The following NFIA variants were observed in gnomAD, a reference collection of about 807,000 sequenced individuals.
NFIA encodes the protein nuclear factor 1 A-type.
In NFIA, 8 loss-of-function variants were observed where a neutral mutation model predicts 62.8. The ratio of observed to expected loss-of-function variants is 0.13; its 90% confidence interval spans 0.07 to 0.23. The LOEUF (loss-of-function observed/expected upper bound fraction) is 0.23, where lower values mean the gene tolerates loss of function less well. Ranked by LOEUF, NFIA falls within the 10% of genes least tolerant of loss-of-function variation. The pLI is 1.00. For synonymous variants in NFIA, 235 were observed against 238.1 expected, an observed-to-expected ratio of 0.99 and a Z score of 0.12; for missense variants, 410 against 642.1, an observed-to-expected ratio of 0.64 and a Z score of 3.91.
chr1:61,185,622 C>T lies in NFIA; in HGVS notation c.560-91898C>T, dbSNP rs542527102. On this transcript the variant is annotated intron_variant, in intron 2 of 10. Coordinates refer to ENST00000403491, the MANE Select transcript of NFIA (RefSeq NM_001134673.4). ...TGATCTGTCTGGCTTCTGTATCTAC[C>T]TTTCTAACCCCACTTTTTTTTTTTT... Among the ~76,000 whole-genome samples, 5 of 149,708 alleles carry T rather than the reference C, an allele frequency of 3.3e-5. No individual in the cohort carries two copies. In the South Asian group the frequency reaches 8.5e-4, roughly 25 times the overall value.
chr1:61,323,396 T>C (rs1225352522), intron 3 of NFIA, among the ~76,000 whole-genome samples: 1 of 152,254 alleles, frequency 6.6e-6, no homozygotes, highest in Non-Finnish European at 1.5e-5. Flanking sequence ...TTTTAATGTT[T>C]ACCATAAGCA....
chr1:61,435,608 AC>A (rs917345597), intron 10 of NFIA, among the ~76,000 whole-genome samples: 1 of 152,048 alleles, frequency 6.6e-6, no homozygotes, highest in Non-Finnish European at 1.5e-5. Flanking sequence ...CCTCCTGTGC[AC>A]CCTGCTAGCA....
intron 3 of NFIA, among the ~76,000 whole-genome samples, chr1:61,287,058 T>C (rs555966094): frequency 7.9e-5 from 12 of 152,152 alleles, no homozygotes; most frequent in East Asian, 1.9e-4. Flanking sequence ...GGAAAAGATA[T>C]GGCACATCCT....
At chr1:61,307,894 A>G (rs1044797290) in intron 3 of NFIA, among the ~76,000 whole-genome samples, 4 of 152,222 alleles carry the variant, frequency 2.6e-5, no homozygotes, top group Admixed American at 6.5e-5. Context: ...TTGTCTTCCT[A>G]TAAATGTCAG....
chr1:61,376,125 C>T (rs1664138940), intron 6 of NFIA, among the ~76,000 whole-genome samples: 1 of 152,128 alleles, frequency 6.6e-6, no homozygotes, highest in Non-Finnish European at 1.5e-5. Context: ...AATGCCTCAA[C>T]TTAGTTGCCT....
intron 2 of NFIA, among the ~76,000 whole-genome samples, chr1:61,177,020 A>G (rs1441993092): frequency 3.9e-5 from 6 of 152,064 alleles, no homozygotes; most frequent in South Asian, 4.2e-4. Flanking sequence ...GCAGGAGAAT[A>G]GCGTGAACCT....
At chr1:61,177,811 T>C (rs1439291953) in intron 2 of NFIA, among the ~76,000 whole-genome samples, 1 of 152,140 alleles carries the variant, frequency 6.6e-6, no homozygotes, top group Non-Finnish European at 1.5e-5. Context: ...CCAACTCTAT[T>C]ATTGGTTCTG....
At chr1:61,424,803 G>C (rs1247162683) in intron 9 of NFIA, among the ~76,000 whole-genome samples, 3 of 152,150 alleles carry the variant, frequency 2.0e-5, no homozygotes, top group Non-Finnish European at 4.4e-5. Context: ...GCCATGGGGT[G>C]AATGGTACAC....
chr1:61,266,145 G>C (rs1330257425), intron 2 of NFIA, among the ~76,000 whole-genome samples: 1 of 151,986 alleles, frequency 6.6e-6, no homozygotes, highest in Admixed American at 6.6e-5. Context: ...GCCTGGAGAG[G>C]TAAGAATTTA....
intron 6 of NFIA, among the ~76,000 whole-genome samples, chr1:61,364,039 G>A (rs942441957): frequency 6.0e-5 from 9 of 150,684 alleles, no homozygotes; most frequent in Non-Finnish European, 1.2e-4. Context: ...CTCCACCTCC[G>A]GGTTCAGGTG....
At chr1:61,305,223 T>G (rs1659701279) in intron 3 of NFIA, among the ~76,000 whole-genome samples, 1 of 151,910 alleles carries the variant, frequency 6.6e-6, no homozygotes, top group South Asian at 2.1e-4. Context: ...TGATTGATAT[T>G]AAGGTAGCCA....
At chr1:61,364,446 A>G (rs1380839810) in intron 6 of NFIA, among the ~76,000 whole-genome samples, 1 of 152,230 alleles carries the variant, frequency 6.6e-6, no homozygotes, top group African/African-American at 2.4e-5. Context: ...ACTTGAAAGC[A>G]GAATTTGCTA....
At position 61,304,476 on chromosome 1, in the gene NFIA, T is replaced by C. The variant is rs78136928; in HGVS notation, c.625+26891T>C. Among the ~76,000 whole-genome samples, 56 of 152,294 alleles carry C rather than the reference T, an allele frequency of 3.7e-4. No individual in the cohort carries two copies. The East Asian group carries it at 0.01, about 28-fold the overall frequency. On this transcript the variant is annotated intron_variant, in intron 3 of 10. Transcript: ENST00000403491. ...TCAAAGAGCTGCTTGCCCACAACTT[T>C]GAGAAACGGGTGGAAAATATGGGGA...
chr1:61,139,078 T>C (rs1316850958), intron 2 of NFIA, among the ~76,000 whole-genome samples: 1 of 152,056 alleles, frequency 6.6e-6, no homozygotes, highest in Non-Finnish European at 1.5e-5. Context: ...CTTGGGAGAC[T>C]GAAGCACAAG....
At chr1:61,224,307 T>C (rs2100621429) in intron 2 of NFIA, among the ~76,000 whole-genome samples, 1 of 152,310 alleles carries the variant, frequency 6.6e-6, no homozygotes, top group East Asian at 1.9e-4. Flanking sequence ...TTATGCTCCA[T>C]AGAAAAAAGT....
chr1:61,171,699 C>G (rs1649976626), intron 2 of NFIA, among the ~76,000 whole-genome samples: 1 of 152,132 alleles, frequency 6.6e-6, no homozygotes, highest in African/African-American at 2.4e-5. Flanking sequence ...TCCTATGGTG[C>G]TATACCTGTG....
At chr1:61,345,518 C>T (rs1447197695) in intron 4 of NFIA, among the ~76,000 whole-genome samples, 1 of 152,144 alleles carries the variant, frequency 6.6e-6, no homozygotes, top group Admixed American at 6.6e-5. Context: ...TTCCCCAGTG[C>T]TCAGGCTGCA....
At chr1:61,287,147 C>A in intron 3 of NFIA, among the ~76,000 whole-genome samples, 1 of 152,098 alleles carries the variant, frequency 6.6e-6, no homozygotes, top group African/African-American at 2.4e-5. Context: ...GTCCTGATCC[C>A]CTACACTGTG....
intron 6 of NFIA, among the ~76,000 whole-genome samples, chr1:61,365,675 C>T (rs1329936123): frequency 2.0e-5 from 3 of 152,134 alleles, no homozygotes; most frequent in African/African-American, 4.8e-5. Context: ...AGAGTAGATA[C>T]AGAGAGGACT....
Sources: gnomAD v4.1 joint callset for allele counts (sites outside exome capture counted in the v4.1 genomes callset) on GRCh38, gnomAD v4.1.1 for gene constraint, MANE v1.5 for transcripts, NCBI Gene and HGNC (gene_info 2026-07-23, HGNC 2026-07-21) for gene names.